Variants in RFFL observed in about 807,000 individuals in gnomAD.
The protein encoded by RFFL is ring finger and FYVE like domain containing E3 ubiquitin protein ligase.
A neutral mutation model predicts 40.4 loss-of-function variants in RFFL; 16 were observed. The ratio of observed to expected loss-of-function variants is 0.40; its 90% CI spans 0.27 to 0.60. The LOEUF (loss-of-function observed/expected upper bound fraction) is 0.60. RFFL is among the 20% of genes least tolerant of loss of function. The probability of loss-of-function intolerance (pLI) is 0.47; values close to 1 mark genes in which losing one functional copy is unlikely to be tolerated. For missense variants in RFFL, 367 were observed against 451.7 expected (o/e 0.81, Z 1.70); for synonymous variants, 154 against 167.9 (o/e 0.92, Z 0.64).
chr17:35,017,724 G>A (rs1367677268), intron 3 of RFFL, 118 bp from the exon 4 acceptor site: 2 of 709,510 alleles, frequency 2.8e-6, no homozygotes, highest in Admixed American at 2.2e-5. Flanking sequence ...CAGAAATCCG[G>A]AGCCTCTTAC....
chr17:35,027,659 G>A (rs1259943203), intron 1 of RFFL, among the ~76,000 whole-genome samples: 7 of 151,510 alleles, frequency 4.6e-5, no homozygotes, highest in Non-Finnish European at 1.0e-4. Flanking sequence ...GGGAAGTAGA[G>A]GTTGTGGTGA....
chr17:35,088,082 C>T (rs1200185315), intron 1 of RFFL, among the ~76,000 whole-genome samples: 1 of 152,084 alleles, frequency 6.6e-6, no homozygotes, highest in Non-Finnish European at 1.5e-5. Flanking sequence ...ACAGTTGCAG[C>T]GACAGTGGTT....
intron 1 of RFFL, among the ~76,000 whole-genome samples, chr17:35,051,438 A>G (rs1190526266): frequency 6.6e-6 from 1 of 152,214 alleles, no homozygotes; most frequent in African/African-American, 2.4e-5. Context: ...TTCAACAAGT[A>G]GGTAACCTTT....
intron 1 of RFFL, among the ~76,000 whole-genome samples, chr17:35,082,012 G>C (rs1006578183): frequency 6.6e-6 from 1 of 152,102 alleles, no homozygotes; most frequent in African/African-American, 2.4e-5. Flanking sequence ...ATTCAATATA[G>C]AAAATAAATA....
In RFFL at chr17:35,082,915, TACAA is replaced by T. The variant is rs1156584191; in HGVS notation, c.-9+6186_-9+6189del. ...CAGAATTCAAAACCAGGTTTGTCTA[TACAA>T]ACAAACTACGTTAGGGATAACGTAT... On this transcript the variant is annotated intron_variant, in intron 1 of 6. Coordinates refer to the RFFL transcript ENST00000315249. Among the ~76,000 whole-genome samples, 7 of 152,152 alleles carry T rather than the reference TACAA, an allele frequency of 4.6e-5. No individual in the cohort carries two copies. In the East Asian group the frequency reaches 7.7e-4, roughly 17 times the overall value.
At chr17:35,065,052 TAA>T (rs2091313028), upstream of RFFL, among the ~76,000 whole-genome samples, 1 of 152,170 alleles carries the variant, frequency 6.6e-6, no homozygotes. Context: ...TAGTACATGT[TAA>T]TTAGTCCTTT....
At position 35,086,463 on chromosome 17, in the gene RFFL, G is replaced by A. The variant is rs2091430201; in HGVS notation, c.-9+2642C>T. On this transcript the variant is annotated intron_variant, in intron 1 of 6. Coordinates refer to the RFFL transcript ENST00000315249. The stretch of plus-strand genomic sequence containing the variant: ...TGGCACTCCAGCATGGTTGACAAGA[G>A]TGAGACCCCCATCTCAATTAAAAAA... Among the ~76,000 whole-genome samples the A allele has an allele frequency of 2.8e-5, 4 of 142,494 alleles. No homozygotes were observed. The South Asian group carries it at 9.2e-4, about 33-fold the overall frequency. The allele number at this position is 142,494 out of a possible 152,430, so 93.5% of individuals were successfully genotyped here. A position where few individuals can be genotyped will look rare whatever the true frequency, so the allele number is the denominator to read the frequency against.
chr17:35,016,697 G>C (rs2090975912), intron 4 of RFFL, 117 bp from the exon 5 acceptor site: 2 of 737,362 alleles, frequency 2.7e-6, no homozygotes, highest in East Asian at 5.1e-5. Flanking sequence ...ATGAAGGGTA[G>C]GAACAGAGAC....
chr17:35,060,862 C>G (rs2091287269), intron 1 of RFFL, among the ~76,000 whole-genome samples: 1 of 151,946 alleles, frequency 6.6e-6, no homozygotes, highest in Non-Finnish European at 1.5e-5. Flanking sequence ...TCAAAGAACT[C>G]AACAGTCTAG....
At chr17:35,053,017 T>C (rs1246739393) in intron 1 of RFFL, among the ~76,000 whole-genome samples, 1 of 152,172 alleles carries the variant, frequency 6.6e-6, no homozygotes, top group Non-Finnish European at 1.5e-5. Flanking sequence ...AGTGAGTAAC[T>C]GGCAATAGCT....
rs750215560 is a variant in RFFL at position 35,016,541 on chromosome 17, C to T, written c.715G>A (p.Ala239Thr). Residue 239 changes from alanine to threonine, a missense_variant, in exon 5 of 7, where the codon GCC (alanine) becomes ACC (threonine). Coordinates refer to ENST00000394597, the MANE Select transcript of RFFL (RefSeq NM_001017368.2). Reference protein sequence around the residue: ...SEDSFVPGRRASLSDLTDLED... With the variant: ...SEDSFVPGRRTSLSDLTDLED... ...AGGTCAGTCAGGTCAGACAGAGAGG[C>T]CCTTCGGCCTGGGACAAAGCTGTCC... The T allele has an allele frequency of 3.1e-6, 5 of 1,614,130 alleles. No individual in the cohort carries two copies. Among genetic ancestry groups the T allele is most frequent in the Admixed American group, 1.7e-5 (1 of 60,026 alleles).
rs1452137424 is a variant in RFFL at position 35,040,841 on chromosome 17, C to CTATT, written c.-8-14281_-8-14280insAATA. ...GTCATCCAAACATCAGCTTTAATGT[C>CTATT]TTTTTTTTTTTTTTTTTTTTTTTGG... is the stretch of plus-strand genomic sequence containing the variant. On this transcript the variant is annotated intron_variant, in intron 1 of 6. Coordinates refer to ENST00000394597, the MANE Select transcript of RFFL (RefSeq NM_001017368.2). Among the ~76,000 whole-genome samples the CTATT allele has an allele frequency of 4.8e-4, 30 of 62,416 alleles. 1 individual carries two copies. In the South Asian group the frequency reaches 0.012, roughly 24 times the overall value. The allele number at this position is 62,416 out of a possible 152,430, so 40.9% of individuals were successfully genotyped here. A position where few individuals can be genotyped will look rare whatever the true frequency, so the allele number is the denominator to read the frequency against.
rs565589008 is a variant in RFFL, at chr17:35,026,375, T to C, written c.179A>G (p.Lys60Arg). Residue 60 changes from lysine (K) to arginine (R), a missense_variant and splice_region_variant, in exon 2 of 7, where the codon AAG becomes AGG. Physicochemically the swap from Lys to Arg is conservative, Grantham distance 26. Coordinates refer to ENST00000394597, the MANE Select transcript of RFFL (RefSeq NM_001017368.2). ...GCAGGCCAAGAAGTCAGCACTCACC[T>C]TCCTGGCCGTGTTTGCAAAGTGAGC... ...CGAHFANTAR[K>R]QTCLDCKKNF... 3.3e-5 allele frequency: 53 copies of C among 1,613,672 alleles called. 1 individual carries two copies. In the South Asian group the frequency reaches 5.7e-4, roughly 17 times the overall value.
intron 1 of RFFL, chr17:35,069,464 T>A: frequency 2.7e-6 from 1 of 376,072 alleles, no homozygotes; most frequent in Non-Finnish European, 5.3e-6. Context: ...GAATGTCCCA[T>A]CAAGGTAATC....
intron 1 of RFFL, among the ~76,000 whole-genome samples, chr17:35,069,867 G>T (rs984954688): frequency 6.6e-6 from 1 of 151,858 alleles, no homozygotes; most frequent in Non-Finnish European, 1.5e-5. Flanking sequence ...AACAGACAAG[G>T]GTTGGAGAAA....
intron 1 of RFFL, among the ~76,000 whole-genome samples, chr17:35,038,733 G>A (rs1440829201): frequency 1.3e-5 from 2 of 152,176 alleles, no homozygotes; most frequent in African/African-American, 4.8e-5. Flanking sequence ...CAGGATAGTG[G>A]TCATCCTGTG....
chr17:35,019,864 G>A (rs975416498), intron 3 of RFFL, among the ~76,000 whole-genome samples: 7 of 152,184 alleles, frequency 4.6e-5, no homozygotes, highest in African/African-American at 1.7e-4. Context: ...AGGCCAAAAA[G>A]GGAGTTAAAT....
chr17:35,083,847 G>A (rs2091415388), intron 1 of RFFL, among the ~76,000 whole-genome samples: 1 of 151,970 alleles, frequency 6.6e-6, no homozygotes, highest in Non-Finnish European at 1.5e-5. Context: ...GTTCCATGGG[G>A]CCTGATGTAC....
At chr17:35,086,279 C>T (rs2091428758) in intron 1 of RFFL, among the ~76,000 whole-genome samples, 1 of 152,028 alleles carries the variant, frequency 6.6e-6, no homozygotes, top group Admixed American at 6.6e-5. Flanking sequence ...GAGCTCAAGG[C>T]ATTTGAGATC....
Sources: gnomAD v4.1 joint callset for allele counts (sites outside exome capture counted in the v4.1 genomes callset) on GRCh38, gnomAD v4.1.1 for gene constraint, MANE v1.5 for transcripts, NCBI Gene and HGNC (gene_info 2026-07-23, HGNC 2026-07-21) for gene names.